KRABD5: variants seen among roughly 807,000 people sequenced by gnomAD.
KRABD5 encodes the protein KRAB domain-containing protein 5.
the KRABD5 span, among the ~76,000 whole-genome samples, chr16:31,717,598 G>A: frequency 2.0e-5 from 3 of 152,176 alleles, no homozygotes; most frequent in East Asian, 3.8e-4. Flanking sequence ...TAATTATGGT[G>A]ACTTTTCATG....
the KRABD5 span, among the ~76,000 whole-genome samples, chr16:31,752,101 C>G: frequency 6.6e-6 from 1 of 152,068 alleles, no homozygotes; most frequent in Admixed American, 6.6e-5. Context: ...TGTTTTTATT[C>G]TATTTTAGTC....
At chr16:31,757,794 C>CTGGA in the KRABD5 span, 1 of 151,184 alleles carries the variant, frequency 6.6e-6, no homozygotes, top group Admixed American at 6.6e-5. Context: ...ACTAATACAT[C>CTGGA]TGGATGGATG....
At chr16:31,713,406 A>G in the KRABD5 span, 1 of 1,603,660 alleles carries the variant, frequency 6.2e-7, no homozygotes, top group Non-Finnish European at 8.5e-7. Context: ...CGTAGCTCAG[A>G]CGCCAGGACA....
the KRABD5 span, among the ~76,000 whole-genome samples, chr16:31,726,489 A>G: frequency 6.6e-6 from 1 of 152,158 alleles, no homozygotes; most frequent in South Asian, 2.1e-4. Context: ...GGCCAGATGC[A>G]GTGGCTCACA....
chr16:31,754,947 C>T, the KRABD5 span: 2 of 445,760 alleles, frequency 4.5e-6, no homozygotes, highest in African/African-American at 4.1e-5. Flanking sequence ...AGAATTCACA[C>T]TGGAGAAAAA....
At chr16:31,733,554 C>T in the KRABD5 span, 1 of 456,268 alleles carries the variant, frequency 2.2e-6, no homozygotes, top group Non-Finnish European at 4.4e-6. Context: ...GTCCTTTCCA[C>T]ACTTCTCTCC....
At chr16:31,723,610 T>C in the KRABD5 span, among the ~76,000 whole-genome samples, 1 of 152,236 alleles carries the variant, frequency 6.6e-6, no homozygotes, top group Non-Finnish European at 1.5e-5. Context: ...CCTTGGCCTG[T>C]GAGGGCCTGC....
the KRABD5 span, among the ~76,000 whole-genome samples, chr16:31,747,859 T>C: frequency 6.6e-6 from 1 of 152,230 alleles, no homozygotes; most frequent in African/African-American, 2.4e-5. Context: ...CTTGTAAACT[T>C]GTTTGAGTTC....
chr16:31,748,062 G>A, the KRABD5 span, among the ~76,000 whole-genome samples: 5 of 152,094 alleles, frequency 3.3e-5, no homozygotes, highest in South Asian at 6.2e-4. Context: ...TGAAGTCCTC[G>A]CCCATGCCTA....
At chr16:31,720,034 T>C in the KRABD5 span, among the ~76,000 whole-genome samples, 1 of 152,208 alleles carries the variant, frequency 6.6e-6, no homozygotes, top group African/African-American at 2.4e-5. Context: ...CTGCTGGGAA[T>C]TATGGGATAC....
chr16:31,736,650 T>C, the KRABD5 span, among the ~76,000 whole-genome samples: 1 of 151,804 alleles, frequency 6.6e-6, no homozygotes, highest in Admixed American at 6.6e-5. Flanking sequence ...CCCAAGTAGC[T>C]GGGATTACAG....
At chr16:31,731,043 C>G in the KRABD5 span, among the ~76,000 whole-genome samples, 2 of 152,146 alleles carry the variant, frequency 1.3e-5, no homozygotes, top group African/African-American at 4.8e-5. Context: ...ATCTCCATTT[C>G]TTTGGAGATG....
chr16:31,735,211 G>T, the KRABD5 span, among the ~76,000 whole-genome samples: 9 of 151,600 alleles, frequency 5.9e-5, no homozygotes, highest in East Asian at 1.7e-3. Context: ...ATATCTCATG[G>T]TTCATCCATG....
chr16:31,732,955 T>G, the KRABD5 span, among the ~76,000 whole-genome samples: 1 of 152,212 alleles, frequency 6.6e-6, no homozygotes, highest in African/African-American at 2.4e-5. Flanking sequence ...TATTATTTTA[T>G]GCACTAAAAT....
chr16:31,733,713 C>G, the KRABD5 span: 5 of 435,272 alleles, frequency 1.1e-5, no homozygotes, highest in Admixed American at 2.5e-5. Context: ...CTTATTAATA[C>G]TTGTCAAAAT....
At chr16:31,740,895 T>G in the KRABD5 span, among the ~76,000 whole-genome samples, 7 of 152,278 alleles carry the variant, frequency 4.6e-5, no homozygotes, top group South Asian at 1.5e-3. Flanking sequence ...TGCATTACAC[T>G]GGTTTGATGT....
At chr16:31,722,597 G>A in the KRABD5 span, 8 of 1,609,320 alleles carry the variant, frequency 5.0e-6, no homozygotes, top group Non-Finnish European at 6.8e-6. Context: ...ATGGCCACAT[G>A]GTCAATGTGC....
chr16:31,715,023 C>G, the KRABD5 span, among the ~76,000 whole-genome samples: 1 of 152,030 alleles, frequency 6.6e-6, no homozygotes, highest in Non-Finnish European at 1.5e-5. Flanking sequence ...TAGGGAGGAG[C>G]AAACATGATT....
the KRABD5 span, among the ~76,000 whole-genome samples, chr16:31,723,699 C>A: frequency 6.6e-6 from 1 of 152,170 alleles, no homozygotes; most frequent in African/African-American, 2.4e-5. Flanking sequence ...GAAACCACTT[C>A]TAAAGTTCTG....
Sources: allele counts gnomAD v4.1 joint callset (sites outside exome capture counted in the v4.1 genomes callset), GRCh38; gene constraint gnomAD v4.1.1; transcripts MANE v1.5; gene names NCBI Gene and HGNC (gene_info 2026-07-23, HGNC 2026-07-21).